Variants in FRMPD4 observed in about 807,000 individuals in gnomAD.
FRMPD4 encodes FERM and PDZ domain containing 4.
A neutral mutation model predicts 94.1 loss-of-function variants in FRMPD4; 22 were observed. That is an observed-to-expected ratio of 0.23 (90% CI 0.17 to 0.33). The LOEUF is 0.33. FRMPD4 is among the 10% of genes least tolerant of loss of function. FRMPD4 has a pLI of 1.00. For missense variants in FRMPD4, 1,111 were observed against 1,339.9 expected, an observed-to-expected ratio of 0.83 and a Z score of 2.67; for synonymous variants, 631 against 548.6, an observed-to-expected ratio of 1.15 and a Z score of -2.10.
chrX:12,448,743 T>G (rs2057230450), intron 1 of FRMPD4, among the ~76,000 whole-genome samples: 1 of 112,373 alleles, frequency 8.9e-6, no homozygotes. Context: ...TTTACATATT[T>G]GATTTCAAAT....
At chrX:12,549,688 A>G (rs1472203408) in intron 2 of FRMPD4, among the ~76,000 whole-genome samples, 1 of 112,194 alleles carries the variant, frequency 8.9e-6, no homozygotes, top group Non-Finnish European at 1.9e-5. Flanking sequence ...TAGCGGCAGT[A>G]TCCAGGCACC....
chrX:12,424,401 T>C (rs1479161542), intron 1 of FRMPD4, among the ~76,000 whole-genome samples: 1 of 113,018 alleles, frequency 8.8e-6, no homozygotes, highest in South Asian at 3.6e-4. Context: ...TTTTTTCATA[T>C]TTCTCAAGAA....
chrX:12,591,840 G>A (rs1453885342), intron 2 of FRMPD4, among the ~76,000 whole-genome samples: 1 of 111,744 alleles, frequency 8.9e-6, no homozygotes, highest in Non-Finnish European at 1.9e-5. Flanking sequence ...CTCAGGACTT[G>A]ATACCTCAAA....
intron 1 of FRMPD4, among the ~76,000 whole-genome samples, chrX:12,475,496 G>T (rs376574061): frequency 7.7e-4 from 86 of 111,437 alleles, no homozygotes; most frequent in African/African-American, 2.4e-3. Flanking sequence ...TAAAGGGTAT[G>T]CAATTAGGAA....
intron 4 of FRMPD4, among the ~76,000 whole-genome samples, chrX:12,649,002 G>A (rs1366356479): frequency 4.5e-5 from 5 of 112,205 alleles, no homozygotes; most frequent in African/African-American, 9.7e-5. Context: ...AATGGCTCCC[G>A]ATATTCCCTT....
intron 1 of FRMPD4, among the ~76,000 whole-genome samples, chrX:12,261,369 G>A (rs2054186176): frequency 8.9e-6 from 1 of 111,990 alleles, no homozygotes; most frequent in Non-Finnish European, 1.9e-5. Context: ...AAGAAAAAAA[G>A]AAGCAACAAT....
chrX:11,994,132 G>A (rs182204910), intron 3 of FRMPD4, among the ~76,000 whole-genome samples: 6 of 110,315 alleles, frequency 5.4e-5, no homozygotes, highest in African/African-American at 1.6e-4. Flanking sequence ...TTGCACGAAG[G>A]GGTGCAATTG....
At chrX:11,941,922 G>C (rs1437470376) in intron 3 of FRMPD4, among the ~76,000 whole-genome samples, 1 of 111,916 alleles carries the variant, frequency 8.9e-6, no homozygotes, top group Non-Finnish European at 1.9e-5. Flanking sequence ...TCACTCGTCA[G>C]TTGTGACCAG....
At chrX:12,014,882 G>T (rs1446879648) in intron 3 of FRMPD4, among the ~76,000 whole-genome samples, 1 of 111,352 alleles carries the variant, frequency 9.0e-6, no homozygotes, top group Non-Finnish European at 1.9e-5. Flanking sequence ...ATCTAAAGGT[G>T]GAGTTGTGAT....
intron 2 of FRMPD4, among the ~76,000 whole-genome samples, chrX:12,607,100 G>A (rs544361427): frequency 4.9e-4 from 55 of 111,190 alleles, no homozygotes; most frequent in African/African-American, 1.8e-3. Flanking sequence ...GTGTCTTAGT[G>A]CCTCCCAGCC....
At chrX:12,622,002 GAAAGA>G (rs2059298303) in intron 4 of FRMPD4, among the ~76,000 whole-genome samples, 3 of 47,444 alleles carry the variant, frequency 6.3e-5, no homozygotes, top group East Asian at 5.7e-4. Flanking sequence ...AAGAAAGAAA[GAAAGA>G]AAGAAAGAAA....
At chrX:12,581,699 C>T (rs150479803) in intron 2 of FRMPD4, among the ~76,000 whole-genome samples, 4 of 111,708 alleles carry the variant, frequency 3.6e-5, no homozygotes, top group African/African-American at 6.5e-5. Context: ...TCCCTCGGCT[C>T]GTCCTCCTCC....
At chrX:12,038,545 A>G (rs762132836) in intron 3 of FRMPD4, among the ~76,000 whole-genome samples, 17 of 112,036 alleles carry the variant, frequency 1.5e-4, no homozygotes, top group African/African-American at 2.3e-4. Context: ...CCAAATTACT[A>G]ATTTTTGTTA....
intron 1 of FRMPD4, among the ~76,000 whole-genome samples, chrX:12,392,518 C>A (rs1348070428): frequency 1.8e-5 from 2 of 108,561 alleles, no homozygotes; most frequent in Non-Finnish European, 3.8e-5. Context: ...CCCGGCGTGG[C>A]GGTGCTTGCC....
At chrX:12,631,316 G>A (rs1198683949) in intron 4 of FRMPD4, among the ~76,000 whole-genome samples, 1 of 111,995 alleles carries the variant, frequency 8.9e-6, no homozygotes, top group African/African-American at 3.2e-5. Context: ...TGCCGAAAGA[G>A]CCATAAAAGG....
At chrX:12,283,461 G>A (rs192215468) in intron 1 of FRMPD4, among the ~76,000 whole-genome samples, 170 of 112,318 alleles carry the variant, frequency 1.5e-3, no homozygotes, top group African/African-American at 5.2e-3. Flanking sequence ...GACAAGGTCA[G>A]ATGGTGGCAC....
chrX:12,271,618 G>A (rs1337556899), intron 1 of FRMPD4, among the ~76,000 whole-genome samples: 2 of 112,149 alleles, frequency 1.8e-5, no homozygotes, highest in African/African-American at 6.5e-5. Flanking sequence ...CCTGTGCCAC[G>A]TGAGCTAAAC....
intron 1 of FRMPD4, among the ~76,000 whole-genome samples, chrX:11,846,808 T>C (rs2053579719): frequency 9.0e-6 from 1 of 110,651 alleles, no homozygotes; most frequent in Non-Finnish European, 1.9e-5. Context: ...TAAATGGTGC[T>C]GGGAAAACTG....
chrX:12,450,402 T>C (rs1006217241), intron 1 of FRMPD4, among the ~76,000 whole-genome samples: 2 of 111,811 alleles, frequency 1.8e-5, no homozygotes, highest in African/African-American at 6.5e-5. Flanking sequence ...TGAATTGCTT[T>C]TAATTTCAAG....
Sources: gnomAD v4.1 joint callset for allele counts (sites outside exome capture counted in the v4.1 genomes callset) on GRCh38, gnomAD v4.1.1 for gene constraint, MANE v1.5 for transcripts, NCBI Gene and HGNC (gene_info 2026-07-23, HGNC 2026-07-21) for gene names.